The following ITPR2 variants were observed in gnomAD, a reference collection of about 807,000 sequenced individuals.
The protein encoded by ITPR2 is inositol 1,4,5-trisphosphate receptor type 2, also known as inositol 1,4,5-trisphosphate-gated calcium channel ITPR2.
ITPR2 carries 207 observed loss-of-function variants against 317.1 expected under a neutral mutation model. That is an observed-to-expected ratio of 0.65 (90% CI 0.58 to 0.73). The LOEUF is 0.73. Ranked by LOEUF, ITPR2 falls within the 30% of genes least tolerant of loss-of-function variation. The probability of loss-of-function intolerance (pLI) is 0.00; values close to 1 mark genes in which losing one functional copy is unlikely to be tolerated. For missense variants in ITPR2, 2,613 were observed against 3,284.0 expected (o/e 0.80, Z 4.99); for synonymous variants, 1,156 against 1,149.1 (o/e 1.01, Z -0.12).
At position 26,556,319 on chromosome 12, in the gene ITPR2, T is replaced by G. The variant is rs1467069991; in HGVS notation, c.4878A>C (p.Ser1626=). The stretch of plus-strand genomic sequence containing the variant: ...GACTGTACAATACATCAACCAACAC[T>G]GAGAATTCAGCCTGCATCATTGGGC... ...QFSPMMQAEF[S]VLVDVLYSPE... Residue 1626 remains serine, a synonymous_variant, in exon 36 of 57, where the codon TCA becomes TCC. Transcript: ENST00000381340. 2 of 1,614,006 alleles carry G rather than the reference T, an allele frequency of 1.2e-6. No individual in the cohort carries two copies. The highest frequency in any genetic ancestry group is 1.7e-5 in the Admixed American group (1 of 60,004).
chr12:26,561,991 G>C, intron 34 of ITPR2, 39 bp from the exon 35 acceptor site: 4 of 1,389,758 alleles, frequency 2.9e-6, no homozygotes, highest in South Asian at 1.6e-5. Context: ...CTCTTAATTT[G>C]ACTAAAGTTT....
At chr12:26,398,057 GGTGTGTGTGTGTGTGTGTGT>G (rs35660888) in intron 54 of ITPR2, among the ~76,000 whole-genome samples, 1 of 135,002 alleles carries the variant, frequency 7.4e-6, no homozygotes, top group Non-Finnish European at 1.6e-5. Context: ...GGAGGGGAGT[GGTGTGTGTGTGTGTGTGTGT>G]GTGTGTGTGT....
chr12:26,335,516 T>C lies in ITPR2; in HGVS notation c.*3881A>G, dbSNP rs1399924590. Among the ~76,000 whole-genome samples the C allele has an allele frequency of 6.6e-6, 1 of 152,192 alleles. No homozygotes were observed. The highest frequency in any genetic ancestry group is 2.4e-5 in the African/African-American group (1 of 41,450). ...GTGATAATTTCATAAATTATTCAAG[T>C]CTGTGGAAACACTCCAGTTCAGAGA... is the stretch of plus-strand genomic sequence containing the variant. On this transcript the variant is annotated 3_prime_UTR_variant, in exon 57 of 57. Coordinates refer to ENST00000381340, the MANE Select transcript of ITPR2 (RefSeq NM_002223.4).
At chr12:26,542,536 A>T (rs78228136) in intron 37 of ITPR2, among the ~76,000 whole-genome samples, 4,758 of 152,352 alleles carry the variant, frequency 0.031, 190 homozygotes, top group African/African-American at 0.087. Flanking sequence ...ATAAGGTAAC[A>T]TATATAAGTG....
intron 43 of ITPR2, among the ~76,000 whole-genome samples, chr12:26,477,989 T>A (rs190074891): frequency 6.1e-4 from 93 of 152,200 alleles, no homozygotes; most frequent in African/African-American, 2.1e-3. Flanking sequence ...AGAATTGGAG[T>A]TAACATGGCT....
chr12:26,826,169 G>C (rs1235924105), intron 1 of ITPR2, among the ~76,000 whole-genome samples: 1 of 152,074 alleles, frequency 6.6e-6, no homozygotes, highest in Non-Finnish European at 1.5e-5. Context: ...GGGAGGCTGA[G>C]GTGGAGGGAT....
chr12:26,350,767 C>T (rs1365487829), intron 55 of ITPR2, among the ~76,000 whole-genome samples: 6 of 152,030 alleles, frequency 3.9e-5, no homozygotes, highest in African/African-American at 1.2e-4. Flanking sequence ...TAGAAACTTT[C>T]TGACCCCCAT....
chr12:26,525,061 G>A (rs557352283), intron 37 of ITPR2, among the ~76,000 whole-genome samples: 95 of 152,278 alleles, frequency 6.2e-4, no homozygotes, highest in Non-Finnish European at 1.1e-3. Context: ...ACCTAGTGAT[G>A]AGCTGTGATA....
chr12:26,385,875 T>A (rs1221020853), intron 55 of ITPR2, among the ~76,000 whole-genome samples: 1 of 152,080 alleles, frequency 6.6e-6, no homozygotes, highest in Non-Finnish European at 1.5e-5. Flanking sequence ...AGGTTTTCAT[T>A]TGGACTTCTC....
intron 52 of ITPR2, among the ~76,000 whole-genome samples, chr12:26,409,722 T>C (rs1368230702): frequency 1.3e-5 from 2 of 152,078 alleles, no homozygotes; most frequent in African/African-American, 4.8e-5. Context: ...CTTGAGGACA[T>C]GAAGGAGAAT....
chr12:26,634,781 A>G (rs1946829804), intron 21 of ITPR2, among the ~76,000 whole-genome samples: 1 of 145,550 alleles, frequency 6.9e-6, no homozygotes, highest in Non-Finnish European at 1.5e-5. Context: ...GCTACTCGGG[A>G]GGCTGAGGCA....
At chr12:26,676,703 T>TA (rs1281872380) in intron 13 of ITPR2, among the ~76,000 whole-genome samples, 4 of 151,398 alleles carry the variant, frequency 2.6e-5, no homozygotes, top group Admixed American at 2.0e-4. Context: ...AATTAATCAC[T>TA]AAAAAAACTT....
intron 49 of ITPR2, among the ~76,000 whole-genome samples, chr12:26,422,511 T>C (rs1311808327): frequency 1.3e-5 from 2 of 152,128 alleles, no homozygotes; most frequent in Non-Finnish European, 2.9e-5. Context: ...ATTTCTTGCT[T>C]TGGTAAACCC....
At chr12:26,817,749 G>A (rs1037366521) in intron 1 of ITPR2, among the ~76,000 whole-genome samples, 5 of 152,136 alleles carry the variant, frequency 3.3e-5, no homozygotes, top group Admixed American at 2.0e-4. Context: ...GACATCTGGA[G>A]AACTGTTTCA....
intron 1 of ITPR2, among the ~76,000 whole-genome samples, chr12:26,808,811 T>C (rs1041645380): frequency 2.0e-5 from 3 of 152,212 alleles, no homozygotes; most frequent in Non-Finnish European, 2.9e-5. Context: ...TTATGGAAAT[T>C]CTGATCTCTT....
intron 45 of ITPR2, among the ~76,000 whole-genome samples, chr12:26,452,820 ATCTTGGAC>A (rs1941772568): frequency 1.3e-5 from 2 of 152,122 alleles, no homozygotes; most frequent in African/African-American, 4.8e-5. Flanking sequence ...CAGATGCCTA[ATCTTGGAC>A]TTCCCAGCCA....
At chr12:26,782,009 T>G (rs1950089878) in intron 2 of ITPR2, among the ~76,000 whole-genome samples, 9 of 29,822 alleles carry the variant, frequency 3.0e-4, no homozygotes, top group Non-Finnish European at 4.6e-4. Context: ...TATATATATA[T>G]ATATATATAT....
At chr12:26,744,546 T>C (rs1420491615) in intron 2 of ITPR2, among the ~76,000 whole-genome samples, 1 of 152,230 alleles carries the variant, frequency 6.6e-6, no homozygotes, top group Non-Finnish European at 1.5e-5. Context: ...CACCATCTGA[T>C]AAATGCCTAG....
intron 45 of ITPR2, among the ~76,000 whole-genome samples, chr12:26,461,951 C>CTT (rs76756814): frequency 1.5e-5 from 2 of 130,654 alleles, no homozygotes; most frequent in South Asian, 2.5e-4. Context: ...CGAAGCCTGA[C>CTT]TTTTTTTTTT....
Sources: allele counts gnomAD v4.1 joint callset (sites outside exome capture counted in the v4.1 genomes callset), GRCh38; gene constraint gnomAD v4.1.1; transcripts MANE v1.5; gene names NCBI Gene and HGNC (gene_info 2026-07-23, HGNC 2026-07-21).